NT5C: variants seen among roughly 807,000 people sequenced by gnomAD.
NT5C encodes 5', 3'-nucleotidase, cytosolic.
Under a neutral mutation model 17.6 loss-of-function variants are expected in NT5C, and 14 were observed. That is an observed-to-expected ratio of 0.79 (90% CI 0.52 to 1.24). The LOEUF is 1.24. NT5C is among the 50% of genes most tolerant of loss of function. The pLI is 0.00. For missense variants in NT5C, 328 were observed against 278.3 expected, an observed-to-expected ratio of 1.18 and a Z score of -1.27; for synonymous variants, 153 against 119.2, an observed-to-expected ratio of 1.28 and a Z score of -1.85.
At chr17:75,130,983 T>A in intron 3 of NT5C, 62 bp downstream of exon 3, 1 of 1,600,314 alleles carries the variant, frequency 6.2e-7, no homozygotes, top group Non-Finnish European at 8.5e-7. Flanking sequence ...TTTCTGGTGG[T>A]TTCTTTTTAA....
chr17:75,131,686 G>C lies in NT5C; in HGVS notation c.22C>G (p.Leu8Val), dbSNP rs770484623. 6.9e-6 allele frequency: 9 copies of C among 1,312,410 alleles called. No homozygotes were observed. The highest frequency in any genetic ancestry group is 8.7e-6 in the Non-Finnish European group (9 of 1,033,066). The allele number at this position is 1,312,410 out of a possible 1,614,324, so 81.3% of individuals were successfully genotyped here. ...GCCAGGACGCCGTCCATGTCCACCAGCACGCGCACGCTCCGCGCCATCGCC... is the reference window on the plus strand; with the variant it reads ...GCCAGGACGCCGTCCATGTCCACCACCACGCGCACGCTCCGCGCCATCGCC... Reference protein sequence around the residue: MARSVRVLVDMDGVLADF... With the variant: MARSVRVVVDMDGVLADF... Residue 8 changes from leucine (L) to valine (V), a missense_variant, in exon 1 of 5, where the codon CTG becomes GTG. By Grantham distance (32) the Leu-to-Val change is conservative. Transcript: ENST00000245552.
rs201846516 is a variant in NT5C at position 75,131,097 on chromosome 17, A to G, written c.284T>C (p.Val95Ala). The G allele has an allele frequency of 1.0e-4, 169 of 1,612,966 alleles. No homozygotes were observed. The highest frequency in any genetic ancestry group is 1.4e-4 in the Non-Finnish European group (162 of 1,179,856). Reference protein sequence around the residue: ...REMNDLPDTQVFICTSPLLKY... With the variant: ...REMNDLPDTQAFICTSPLLKY... ...CAGCAGGGGGCTGGTGCAGATGAAG[A>G]CCTGCGTGCTGCGGAGAAGGACGCG... The change falls in exon 3 of 5, where the codon GTC becomes GCC. Residue 95 changes from valine (V) to alanine (A), a missense_variant. Transcript: ENST00000245552.
At position 75,131,489 on chromosome 17, in the gene NT5C, C is replaced by T. The variant is rs200364274; in HGVS notation, c.174+45G>A. 1,149 of 1,432,314 alleles carry T rather than the reference C, an allele frequency of 8.0e-4. 8 individuals carry two copies. The African/African-American group carries it at 0.015, about 19-fold the overall frequency. 88.7% of individuals were successfully genotyped at this position (1,432,314 alleles called of 1,614,324 possible). ...ACAGAGAAGGGGGAGACCCCCGGAA[C>T]GGAGCGAGCGGGCCCTGCCCGGGTG... On this transcript the variant is annotated intron_variant, in intron 1 of 4. Coordinates refer to ENST00000245552, the MANE Select transcript of NT5C (RefSeq NM_014595.3).
intron 3 of NT5C, 70 bp from the exon 4 acceptor site, chr17:75,130,937 T>C: frequency 6.2e-7 from 1 of 1,610,622 alleles, no homozygotes; most frequent in Middle Eastern, 1.7e-4. Flanking sequence ...GACTTGGCTC[T>C]AAGCCCTTGA....
Position 75,130,884 on chromosome 17 carries a change from G to A in NT5C, c.337-17C>T, listed in dbSNP as rs781024807. ...CCAGCGGTACTGTGTAGAAAACACA[G>A]TCTGTGAGTAGGGCCTGATGGAAGC... On this transcript the variant is annotated splice_polypyrimidine_tract_variant and intron_variant, in intron 3 of 4. Coordinates refer to ENST00000245552, the MANE Select transcript of NT5C (RefSeq NM_014595.3). 21 of 1,613,876 alleles carry A rather than the reference G, an allele frequency of 1.3e-5. 1 individual carries two copies. The highest frequency in any genetic ancestry group is 3.3e-4 in the Middle Eastern group (2 of 6,084).
chr17:75,131,559 T>C lies in NT5C; in HGVS notation c.149A>G (p.Tyr50Cys), dbSNP rs1314492026. 4 of 1,401,520 alleles carry C rather than the reference T, an allele frequency of 2.9e-6. No individual in the cohort carries two copies. Among genetic ancestry groups the C allele is most frequent in the Non-Finnish European group, 2.8e-6 (3 of 1,087,614 alleles). 86.8% of individuals were successfully genotyped at this position (1,401,520 alleles called of 1,614,324 possible). Residue 50 changes from tyrosine to cysteine, a missense_variant, in exon 1 of 5, where the codon TAC becomes TGC. Tyr to Cys is a radical substitution (Grantham distance 194). Transcript: ENST00000245552. Reference sequence around the variant, plus strand: ...CGCCAGGTCGGGCCGCAGGGCGCGGTACTGCTCGCGGGCCAGGAAGCCGCG... The same window carrying C: ...CGCCAGGTCGGGCCGCAGGGCGCGGCACTGCTCGCGGGCCAGGAAGCCGCG... ...QRRGFLAREQ[Y>C]RALRPDLADK...
At position 75,130,495 on chromosome 17, in the gene NT5C, C is replaced by T. The variant is rs748695335; in HGVS notation, c.599G>A (p.Arg200Gln). Reference sequence around the variant, plus strand: ...TGCCCGCGGCATCCCCGCTCATTCCCGCTGCGCAGCTCCGCGCTTGCTATC... The same window carrying T: ...TGCCCGCGGCATCCCCGCTCATTCCTGCTGCGCAGCTCCGCGCTTGCTATC... Reference protein sequence around the residue: ...ILDSKRGAAQRE With the variant: ...ILDSKRGAAQQE The change falls in exon 5 of 5, where the codon CGG becomes CAG. Residue 200 changes from arginine (R) to glutamine (Q), a missense_variant. Arg to Gln is a conservative substitution (Grantham distance 43). Coordinates refer to ENST00000245552, the MANE Select transcript of NT5C (RefSeq NM_014595.3). 6.2e-7 allele frequency: 1 copy of T among 1,614,020 alleles called. No homozygotes were observed. Among genetic ancestry groups the T allele is most frequent in the South Asian group, 1.1e-5 (1 of 91,084 alleles).
intron 3 of NT5C, 55 bp downstream of exon 3, chr17:75,130,990 T>A (rs1244636538): frequency 6.2e-7 from 1 of 1,602,476 alleles, no homozygotes; most frequent in Non-Finnish European, 8.5e-7. Context: ...TGGTTTCTTT[T>A]TAAAATCAGG....
At chr17:75,131,484 C>A in intron 1 of NT5C, 50 bp downstream of exon 1, 1 of 1,432,458 alleles carries the variant, frequency 7.0e-7, no homozygotes, top group Non-Finnish European at 9.1e-7. Context: ...GGGAGACCCC[C>A]GGAACGGAGC....
At chr17:75,131,140 G>A in intron 2 of NT5C, 35 bp from the exon 3 acceptor site, 1 of 1,612,554 alleles carries the variant, frequency 6.2e-7, no homozygotes, top group Non-Finnish European at 8.5e-7. Context: ...CCGGGAGCCA[G>A]GAGCCCGCCC....
Position 75,131,644 on chromosome 17 carries a change from G to A in NT5C, c.64C>T (p.Leu22Phe), listed in dbSNP as rs931529097. Reference sequence around the variant, plus strand: ...AAGCGGCGGCGGAAGCCCCGCAGGAGGCCGGCCTCGAAGTCGGCCAGGACG... The same window carrying A: ...AAGCGGCGGCGGAAGCCCCGCAGGAAGCCGGCCTCGAAGTCGGCCAGGACG... ...DGVLADFEAGLLRGFRRRFPE... is the reference protein window; with the variant it reads ...DGVLADFEAGFLRGFRRRFPE... The change falls in exon 1 of 5, where the codon CTC becomes TTC. Residue 22 changes from leucine to phenylalanine, a missense_variant. Leu to Phe is a conservative substitution (Grantham distance 22, BLOSUM62 0). Coordinates refer to ENST00000245552, the MANE Select transcript of NT5C (RefSeq NM_014595.3). 1.5e-6 allele frequency: 2 copies of A among 1,362,290 alleles called. No homozygotes were observed. Among genetic ancestry groups the A allele is most frequent in the Non-Finnish European group, 9.4e-7 (1 of 1,062,486 alleles). 84.4% of individuals were successfully genotyped at this position (1,362,290 alleles called of 1,614,324 possible). A position where few individuals can be genotyped will look rare whatever the true frequency, so the allele number is the denominator to read the frequency against.
intron 3 of NT5C, 89 bp from the exon 4 acceptor site, chr17:75,130,956 C>G (rs2074109431): frequency 1.2e-6 from 2 of 1,605,576 alleles, no homozygotes; most frequent in Middle Eastern, 3.3e-4. Context: ...GAGAGCCCCC[C>G]ACCCCCACCT....
rs1022579756 is a variant in NT5C, at chr17:75,131,694, ACGCTCCGCG to A, written c.5_13del (p.Ala2_Ser4del). The A allele has an allele frequency of 2.3e-6, 3 of 1,294,018 alleles. No homozygotes were observed. The African/African-American group carries it at 4.6e-5, about 20-fold the overall frequency. The allele number at this position is 1,294,018 out of a possible 1,614,324, so 80.2% of individuals were successfully genotyped here. ...GCCGTCCATGTCCACCAGCACGCGC[ACGCTCCGCG>A]CCATCGCCGCCGGGCCGGAGCTGCG... On this transcript the variant is annotated inframe_deletion, in exon 1 of 5. Coordinates refer to ENST00000245552, the MANE Select transcript of NT5C (RefSeq NM_014595.3).
At position 75,131,290 on chromosome 17, in the gene NT5C, C is replaced by CAAG. The variant is rs1555649447; in HGVS notation, c.175-12_175-10dup. 2 of 1,613,268 alleles carry CAAG rather than the reference C, an allele frequency of 1.2e-6. No individual in the cohort carries two copies. The highest frequency in any genetic ancestry group is 1.7e-6 in the Non-Finnish European group (2 of 1,179,714). On this transcript the variant is annotated splice_polypyrimidine_tract_variant and intron_variant, in intron 1 of 4. Transcript: ENST00000245552. ...ACACTGGCCACTTTATCCTGAAAGA[C>CAAG]AAGAGTTCTGGGTCCCGGCTTCCCG...
chr17:75,130,389 C>T lies in NT5C; in HGVS notation c.*99G>A. The T allele has an allele frequency of 1.4e-6, 2 of 1,460,662 alleles. No individual in the cohort carries two copies. The highest frequency in any genetic ancestry group is 1.9e-6 in the Non-Finnish European group (2 of 1,067,408). The allele number at this position is 1,460,662 out of a possible 1,614,324, so 90.5% of individuals were successfully genotyped here. ...TATCTGCCTGCTCCACTCCACGGGG[C>T]CAGAGGCACCAGCACGATGCCGCCC... On this transcript the variant is annotated 3_prime_UTR_variant, in exon 5 of 5. Coordinates refer to ENST00000245552, the MANE Select transcript of NT5C (RefSeq NM_014595.3).
intron 1 of NT5C, 113 bp from the exon 2 acceptor site, chr17:75,131,394 G>A: frequency 7.2e-7 from 1 of 1,398,014 alleles, no homozygotes; most frequent in Non-Finnish European, 9.7e-7. Flanking sequence ...TCGGTCAGGG[G>A]CACGCGCCCA....
Position 75,131,591 on chromosome 17 carries a change from C to T in NT5C, c.117G>A (p.Glu39=). 7.2e-7 allele frequency: 1 copy of T among 1,394,292 alleles called. No homozygotes were observed. Among genetic ancestry groups the T allele is most frequent in the Non-Finnish European group, 9.2e-7 (1 of 1,081,416 alleles). The allele number at this position is 1,394,292 out of a possible 1,614,324, so 86.4% of individuals were successfully genotyped here. The change falls in exon 1 of 5, where the codon GAG becomes GAA. Residue 39 remains glutamate (E), a synonymous_variant. Transcript: ENST00000245552. Reference sequence around the variant, plus strand: ...CGCGGGCCAGGAAGCCGCGGCGTTGCTCCAGCGGCACGTGCGGCTCCTCAG... The same window carrying T: ...CGCGGGCCAGGAAGCCGCGGCGTTGTTCCAGCGGCACGTGCGGCTCCTCAG... ...RFPEEPHVPL[E]QRRGFLAREQ...
At chr17:75,131,435 G>A in intron 1 of NT5C, 99 bp downstream of exon 1, 5 of 1,406,714 alleles carry the variant, frequency 3.6e-6, no homozygotes, top group Non-Finnish European at 4.7e-6. Flanking sequence ...GCTGCCCGCG[G>A]GTTCCAGGGT....
intron 3 of NT5C, 55 bp downstream of exon 3, chr17:75,130,990 T>C: frequency 6.2e-7 from 1 of 1,602,476 alleles, no homozygotes; most frequent in African/African-American, 1.3e-5. Flanking sequence ...TGGTTTCTTT[T>C]TAAAATCAGG....
Sources: allele counts gnomAD v4.1 joint callset, GRCh38; gene constraint gnomAD v4.1.1; transcripts MANE v1.5; gene names NCBI Gene and HGNC (gene_info 2026-07-23, HGNC 2026-07-21).